The following BCOR variants were observed in gnomAD, a reference collection of about 807,000 sequenced individuals.
BCOR encodes BCL6 corepressor.
BCOR carries 10 observed loss-of-function variants against 86.7 expected under a neutral mutation model. The observed-to-expected ratio is 0.12, with a 90% CI of 0.07 to 0.20. The LOEUF is 0.20. Ranked by LOEUF, BCOR falls within the 10% of genes least tolerant of loss-of-function variation. The probability of loss-of-function intolerance (pLI) is 1.00; values close to 1 mark genes in which losing one functional copy is unlikely to be tolerated. For missense variants in BCOR, 1,259 were observed against 1,452.1 expected (o/e 0.87, Z 2.16); for synonymous variants, 611 against 609.0 (o/e 1.00, Z -0.05).
intron 2 of BCOR, chrX:40,077,313 T>C (rs1935857716): frequency 7.1e-6 from 1 of 141,347 alleles, no homozygotes; most frequent in Non-Finnish European, 1.4e-5. Flanking sequence ...GCTTCAATCA[T>C]CTACTGCTTA....
chrX:40,139,956 T>C (rs1937882279), intron 1 of BCOR, among the ~76,000 whole-genome samples: 1 of 110,154 alleles, frequency 9.1e-6, no homozygotes, highest in Admixed American at 9.8e-5. Flanking sequence ...AGCCTTAGAA[T>C]TTTCTGCCAA....
intron 1 of BCOR, among the ~76,000 whole-genome samples, chrX:40,137,038 T>C (rs1342764265): frequency 5.4e-5 from 6 of 111,951 alleles, no homozygotes; most frequent in South Asian, 3.7e-4. Context: ...TCCTCAACCA[T>C]AGGAGGTTTC....
intron 1 of BCOR, among the ~76,000 whole-genome samples, chrX:40,094,773 C>T (rs971227722): frequency 8.8e-6 from 1 of 113,160 alleles, no homozygotes; most frequent in Non-Finnish European, 1.9e-5. Flanking sequence ...TCCCCGCCGT[C>T]CCTCGCTACC....
chrX:40,052,185 T>C lies in BCOR; in HGVS notation c.5192A>G (p.Asn1731Ser). 1.7e-6 allele frequency: 2 copies of C among 1,210,816 alleles called. No homozygotes were observed. The highest frequency in any genetic ancestry group is 1.8e-5 in the South Asian group (1 of 56,661). ...GGAGCCCAGCAGAGTCTGAATTTCG[T>C]TCGTGAATTCCACCAGATCTAACAG... ...KELLDLVEFT[N>S]EIQTLLGSSV... The change falls in exon 15 of 15, where the codon AAC (asparagine) becomes AGC (serine). Residue 1731 changes from asparagine to serine, a missense_variant. Coordinates refer to ENST00000378444, the MANE Select transcript of BCOR (RefSeq NM_001123385.2).
intron 6 of BCOR, among the ~76,000 whole-genome samples, chrX:40,069,682 C>G (rs187502565): frequency 8.9e-6 from 1 of 112,534 alleles, no homozygotes; most frequent in African/African-American, 3.2e-5. Flanking sequence ...TGACAACCTT[C>G]CCAAGAGCTG....
chrX:40,148,562 G>C lies in BCOR; in HGVS notation c.-41+28445C>G, dbSNP rs1938108738. Among the ~76,000 whole-genome samples, 3 of 111,428 alleles carry C rather than the reference G, an allele frequency of 2.7e-5. No individual in the cohort carries two copies. The South Asian group carries it at 1.1e-3, about 42-fold the overall frequency. On this transcript the variant is annotated intron_variant, in intron 1 of 14. Coordinates refer to the BCOR transcript ENST00000342274. ...ACAGAAGAGAGGGCCCTTCATGGGG[G>C]AGGAGGCCCATGTCTGAGAAAGAAG...
chrX:40,111,506 C>T (rs915557632), intron 1 of BCOR, among the ~76,000 whole-genome samples: 78 of 111,975 alleles, frequency 7.0e-4, no homozygotes, highest in Admixed American at 4.8e-3. Context: ...TATAAACAAC[C>T]TAAAGAGTCA....
chrX:40,076,416 T>C, intron 3 of BCOR, 38 bp downstream of exon 3: 1 of 1,003,285 alleles, frequency 1.0e-6, no homozygotes, highest in Non-Finnish European at 1.4e-6. Context: ...ATCACTGATA[T>C]GCAGATATGG....
At chrX:40,057,571 T>C (rs2146929382) in intron 10 of BCOR, among the ~76,000 whole-genome samples, 1 of 111,776 alleles carries the variant, frequency 8.9e-6, no homozygotes, top group Admixed American at 9.5e-5. Flanking sequence ...TCTCCAAAGC[T>C]TCCTTTCCTA....
intron 1 of BCOR, among the ~76,000 whole-genome samples, chrX:40,157,025 G>T (rs1938311223): frequency 8.8e-6 from 1 of 113,692 alleles, no homozygotes. Flanking sequence ...TGTGCAAAAG[G>T]TCAGCGGTAA....
chrX:40,108,910 A>G (rs764030440), intron 1 of BCOR, among the ~76,000 whole-genome samples: 21 of 113,147 alleles, frequency 1.9e-4, no homozygotes, highest in Non-Finnish European at 2.6e-4. Context: ...AACGCTGATC[A>G]AAGTGCTTAA....
At chrX:40,131,650 A>AAAGAG (rs769599762) in intron 1 of BCOR, among the ~76,000 whole-genome samples, 10 of 110,859 alleles carry the variant, frequency 9.0e-5, no homozygotes, top group South Asian at 3.8e-4. Flanking sequence ...TCTGTCAGTA[A>AAAGAG]AAGAGAAGAG....
chrX:40,109,693 C>T (rs771103259), intron 1 of BCOR, among the ~76,000 whole-genome samples: 8 of 112,707 alleles, frequency 7.1e-5, no homozygotes, highest in African/African-American at 2.2e-4. Context: ...CGGAGCTGCC[C>T]GAGGCCGCCG....
intron 1 of BCOR, among the ~76,000 whole-genome samples, chrX:40,092,286 G>A (rs1936654545): frequency 1.8e-5 from 2 of 111,742 alleles, no homozygotes; most frequent in African/African-American, 6.5e-5. Flanking sequence ...CCACCCAAGT[G>A]CGGTCTTCCC....
chrX:40,135,654 T>C (rs2147926060), intron 1 of BCOR, among the ~76,000 whole-genome samples: 1 of 111,595 alleles, frequency 9.0e-6, no homozygotes, highest in African/African-American at 3.3e-5. Context: ...CCTCCGAAAG[T>C]ACTGGGATTA....
intron 6 of BCOR, 62 bp downstream of exon 6, chrX:40,070,911 T>C: frequency 9.1e-7 from 1 of 1,103,906 alleles, no homozygotes; most frequent in South Asian, 1.8e-5. Flanking sequence ...GCAGCCCATT[T>C]CTCCAAGCAG....
intron 1 of BCOR, among the ~76,000 whole-genome samples, chrX:40,155,729 A>G (rs1938278275): frequency 8.9e-6 from 1 of 112,889 alleles, no homozygotes; most frequent in Non-Finnish European, 1.9e-5. Flanking sequence ...GAAGTCGTCC[A>G]TCAGCAACCA....
intron 1 of BCOR, among the ~76,000 whole-genome samples, chrX:40,161,663 G>A (rs766166510): frequency 9.3e-6 from 1 of 107,573 alleles, no homozygotes; most frequent in African/African-American, 3.4e-5. Context: ...ACAGGCGCCC[G>A]CCATCACGCC....
rs763077327 is a variant in BCOR, at chrX:40,094,089, C to T, written c.-41+3126G>A. 7.2e-5 allele frequency among the ~76,000 whole-genome samples: 8 copies of T among 111,658 alleles called. No homozygotes were observed. In the South Asian group the frequency reaches 3.0e-3, roughly 42 times the overall value. On this transcript the variant is annotated intron_variant, in intron 1 of 14. Transcript: ENST00000378444. ...GCTACTCTGCCTCCAGGAATTTCCA[C>T]TAGGCTCTTTGCCCCCCTTTCCCTA... is the stretch of plus-strand genomic sequence containing the variant.
Sources: gnomAD v4.1 joint callset for allele counts (sites outside exome capture counted in the v4.1 genomes callset) on GRCh38, gnomAD v4.1.1 for gene constraint, MANE v1.5 for transcripts, NCBI Gene and HGNC (gene_info 2026-07-23, HGNC 2026-07-21) for gene names.